Variants in PICALM observed in about 807,000 individuals in gnomAD.
The protein encoded by PICALM is phosphatidylinositol binding clathrin assembly protein.
In PICALM, 40 loss-of-function variants were observed where a neutral mutation model predicts 80.5. The ratio of observed to expected loss-of-function variants is 0.50; its 90% confidence interval spans 0.39 to 0.65. PICALM has a LOEUF of 0.65. Among genes scored for constraint, PICALM ranks in the 30% least tolerant of loss-of-function variants. PICALM has a pLI of 0.00. For missense variants in PICALM, 676 were observed against 778.9 expected (o/e 0.87, Z 1.57); for synonymous variants, 288 against 260.3 (o/e 1.11, Z -1.02).
In PICALM at chr11:86,056,116, C is replaced by T. The variant is rs182385327; in HGVS notation, c.130+12535G>A. 3.5e-4 allele frequency among the ~76,000 whole-genome samples: 24 copies of T among 68,536 alleles called. No individual in the cohort carries two copies. The East Asian group carries it at 7.0e-3, about 20-fold the overall frequency. 45.0% of individuals were successfully genotyped at this position (68,536 alleles called of 152,430 possible). On this transcript the variant is annotated intron_variant, in intron 1 of 19. Transcript: ENST00000393346. ...CACCACTGCACTCTAGCCTGGGTGA[C>T]AGAACAAGACTCTGTCTTTAAAAAA...
chr11:86,018,327 G>A (rs1297544055), intron 4 of PICALM, among the ~76,000 whole-genome samples: 3 of 152,046 alleles, frequency 2.0e-5, no homozygotes, highest in South Asian at 4.1e-4. Context: ...ACATATGAAC[G>A]CATTTTTCAT....
chr11:85,991,190 T>C (rs1191972960), intron 12 of PICALM, among the ~76,000 whole-genome samples: 2 of 152,180 alleles, frequency 1.3e-5, no homozygotes, highest in East Asian at 1.9e-4. Context: ...TATTTTTCCT[T>C]ACTTCTCAAG....
chr11:85,978,145 C>T, intron 17 of PICALM: 1 of 1,441,170 alleles, frequency 6.9e-7, no homozygotes, highest in Non-Finnish European at 9.8e-7. Flanking sequence ...TGGATTAGAA[C>T]AAGTACTTAC....
In PICALM at chr11:85,973,992, G is replaced by C. The variant is rs554442568; in HGVS notation, c.1944+716C>G. Among the ~76,000 whole-genome samples, 40 of 151,856 alleles carry C rather than the reference G, an allele frequency of 2.6e-4. 1 individual carries two copies. The South Asian group carries it at 7.3e-3, about 28-fold the overall frequency. ...CCTCATCCCAGAGTATGCCACCAGA[G>C]AAGTGAATAACAAAGGAATTTCCTA... On this transcript the variant is annotated intron_variant, in intron 19 of 19. Coordinates refer to ENST00000393346, the MANE Select transcript of PICALM (RefSeq NM_007166.4).
At position 86,000,545 on chromosome 11, in the gene PICALM, A is replaced by C; in HGVS notation, c.1154+98T>G. 6 of 895,710 alleles carry C rather than the reference A, an allele frequency of 6.7e-6. No homozygotes were observed. The South Asian group carries it at 1.1e-4, about 16-fold the overall frequency. 55.5% of individuals were successfully genotyped at this position (895,710 alleles called of 1,614,324 possible). Reference sequence around the variant, plus strand: ...CACCTCTTTGTGTGAATAGATTATAAAAGCATAAATAAAAGTAAACCTGAA... The same window carrying C: ...CACCTCTTTGTGTGAATAGATTATACAAGCATAAATAAAAGTAAACCTGAA... On this transcript the variant is annotated intron_variant, in intron 11 of 19. Transcript: ENST00000393346.
chr11:86,000,091 T>C (rs1348372408), intron 11 of PICALM, among the ~76,000 whole-genome samples: 2 of 152,210 alleles, frequency 1.3e-5, no homozygotes, highest in Non-Finnish European at 2.9e-5. Context: ...AAATGCCAAT[T>C]GTTTTACTTT....
At chr11:86,031,681 A>C (rs2095754244) in intron 1 of PICALM, 70 bp from the exon 2 acceptor site, 3 of 1,122,166 alleles carry the variant, frequency 2.7e-6, no homozygotes, top group East Asian at 4.8e-5. Context: ...CCAGATCTGC[A>C]TACAAACAGG....
intron 1 of PICALM, among the ~76,000 whole-genome samples, chr11:86,061,275 G>A (rs2096358316): frequency 7.1e-6 from 1 of 140,098 alleles, no homozygotes; most frequent in South Asian, 2.3e-4. Context: ...AGCTTACAGT[G>A]AGATGAGATG....
At chr11:85,968,189 G>T (rs1353697844) in intron 19 of PICALM, among the ~76,000 whole-genome samples, 1 of 152,096 alleles carries the variant, frequency 6.6e-6, no homozygotes, top group African/African-American at 2.4e-5. Flanking sequence ...CAGGCATTGT[G>T]GTGTGTGCCT....
intron 19 of PICALM, among the ~76,000 whole-genome samples, chr11:85,964,740 GTAT>G (rs2093817362): frequency 6.6e-6 from 1 of 152,126 alleles, no homozygotes; most frequent in South Asian, 2.1e-4. Context: ...TTGTGCATCT[GTAT>G]TACACTCACC....
intron 1 of PICALM, among the ~76,000 whole-genome samples, chr11:86,034,723 A>G (rs773350765): frequency 8.5e-5 from 13 of 152,236 alleles, no homozygotes; most frequent in Non-Finnish European, 1.5e-4. Context: ...GAGAATTTAC[A>G]AAGATTTCCA....
At chr11:85,997,812 T>C (rs193167576) in intron 11 of PICALM, among the ~76,000 whole-genome samples, 25 of 152,098 alleles carry the variant, frequency 1.6e-4, no homozygotes, top group African/African-American at 5.8e-4. Context: ...GACAAGAGTC[T>C]CACTCTGTTG....
At chr11:85,985,123 G>C (rs771055298) in intron 13 of PICALM, among the ~76,000 whole-genome samples, 1 of 152,118 alleles carries the variant, frequency 6.6e-6, no homozygotes, top group South Asian at 2.1e-4. Flanking sequence ...AACTTTTGGT[G>C]TCCTAAATTT....
At chr11:86,063,407 T>C (rs2096398775) in intron 1 of PICALM, among the ~76,000 whole-genome samples, 1 of 152,212 alleles carries the variant, frequency 6.6e-6, no homozygotes, top group Admixed American at 6.5e-5. Context: ...TTATACTATT[T>C]CTTAACATAG....
At position 86,022,498 on chromosome 11, in the gene PICALM, CAAAG is replaced by C. The variant is rs146648955; in HGVS notation, c.350-33_350-30del. ...TAAAAAAACAAAAACAAAAACAAAA[CAAAG>C]AGAGAGACAAGTTTTTATAAATGAC... On this transcript the variant is annotated intron_variant, in intron 3 of 19. Coordinates refer to ENST00000393346, the MANE Select transcript of PICALM (RefSeq NM_007166.4). 3.3e-3 allele frequency: 4,025 copies of C among 1,204,930 alleles called. 82 individuals are homozygous for C. In the African/African-American group the frequency reaches 0.046, roughly 14 times the overall value. 74.6% of individuals were successfully genotyped at this position (1,204,930 alleles called of 1,614,324 possible).
chr11:86,005,411 G>A (rs576079786), intron 8 of PICALM, among the ~76,000 whole-genome samples: 79 of 152,160 alleles, frequency 5.2e-4, no homozygotes, highest in Non-Finnish European at 1.1e-3. Context: ...ACGACAAAGA[G>A]TGAGGAGGCT....
intron 6 of PICALM, among the ~76,000 whole-genome samples, chr11:86,011,365 G>A (rs2095391060): frequency 6.6e-6 from 1 of 152,156 alleles, no homozygotes; most frequent in Non-Finnish European, 1.5e-5. Context: ...CCTAGTTTGT[G>A]CCATAGTACT....
In PICALM at chr11:86,049,025, G is replaced by T. The variant is rs149035717; in HGVS notation, c.131-17414C>A. Among the ~76,000 whole-genome samples the T allele has an allele frequency of 3.1e-3, 473 of 152,238 alleles. 4 individuals are homozygous for T. The highest frequency in any genetic ancestry group is 0.01 in the South Asian group (49 of 4,826). On this transcript the variant is annotated intron_variant, in intron 1 of 19. Coordinates refer to ENST00000393346, the MANE Select transcript of PICALM (RefSeq NM_007166.4). ...ACAAATCAGAGGGCCGGGTGCGGTG[G>T]CTCCCACCTGTAATCCCAGCACTTT...
chr11:85,993,601 GC>G (rs1318563550), intron 12 of PICALM, among the ~76,000 whole-genome samples: 7 of 151,646 alleles, frequency 4.6e-5, no homozygotes, highest in Non-Finnish European at 1.0e-4. Flanking sequence ...ACCACACCCA[GC>G]TAATTTTTAC....
Sources: gnomAD v4.1 joint callset for allele counts (sites outside exome capture counted in the v4.1 genomes callset) on GRCh38, gnomAD v4.1.1 for gene constraint, MANE v1.5 for transcripts, NCBI Gene and HGNC (gene_info 2026-07-23, HGNC 2026-07-21) for gene names.